The following MYH6 variants were observed in gnomAD, a reference collection of about 807,000 sequenced individuals.
The protein encoded by MYH6 is myosin-6.
In MYH6, 126 loss-of-function variants were observed where a neutral mutation model predicts 223.2. The ratio of observed to expected loss-of-function variants is 0.56; its 90% CI spans 0.49 to 0.65. MYH6 has a LOEUF of 0.65. MYH6 is among the 30% of genes least tolerant of loss of function. The probability of loss-of-function intolerance (pLI) is 0.00; values close to 1 mark genes in which losing one functional copy is unlikely to be tolerated. For missense variants in MYH6, 2,040 were observed against 2,536.4 expected, an observed-to-expected ratio of 0.80 and a Z score of 4.20; for synonymous variants, 978 against 1,010.2, an observed-to-expected ratio of 0.97 and a Z score of 0.61.
At chr14:23,383,494 A>G (rs1357558139) in intron 36 of MYH6, among the ~76,000 whole-genome samples, 174 bp from the exon 37 acceptor site, 2 of 152,200 alleles carry the variant, frequency 1.3e-5, no homozygotes, top group African/African-American at 4.8e-5. Context: ...CAAAGGGGCA[A>G]TGCAAGGTTG....
intron 8 of MYH6, 105 bp from the exon 9 acceptor site, chr14:23,403,883 G>A (rs388914): frequency 0.23 from 228,752 of 994,210 alleles, 28,340 homozygotes; most frequent in Non-Finnish European, 0.25. Context: ...AAATGTAAAC[G>A]ACCTCTTTGG....
At chr14:23,386,195 G>A (rs1891015370) in intron 33 of MYH6, 64 bp from the exon 34 acceptor site, 2 of 1,611,964 alleles carry the variant, frequency 1.2e-6, no homozygotes, top group Admixed American at 1.7e-5. Context: ...GAGGGCACCT[G>A]TCAGAGGTCC....
chr14:23,394,012 G>A (rs1891319387), intron 21 of MYH6, 56 bp downstream of exon 21: 1 of 1,613,670 alleles, frequency 6.2e-7, no homozygotes, highest in Middle Eastern at 1.7e-4. Flanking sequence ...TTGTGAGATG[G>A]GCTATAATCT....
intron 26 of MYH6, 43 bp downstream of exon 26, chr14:23,390,014 G>A (rs1025927506): frequency 8.1e-6 from 13 of 1,613,096 alleles, no homozygotes; most frequent in East Asian, 2.2e-5. Flanking sequence ...GGGAGGCTCC[G>A]CTGTGCAGGG....
chr14:23,387,700 C>T, intron 31 of MYH6, 47 bp from the exon 32 acceptor site: 2 of 1,614,120 alleles, frequency 1.2e-6, no homozygotes, highest in Non-Finnish European at 1.7e-6. Flanking sequence ...TTCCCCCTGC[C>T]CCTGCATGGC....
intron 36 of MYH6, 21 bp from the exon 37 acceptor site, chr14:23,383,341 G>GGGGGGGCCCCCCCCCCCCCCCCCCCC: frequency 1.8e-6 from 1 of 556,582 alleles, no homozygotes; most frequent in Non-Finnish European, 3.3e-6. Flanking sequence ...GAGGGTGGGA[G>GGGGGGGCCCCCCCCCCCCCCCCCCCC]AAGCTGGTTT....
intron 34 of MYH6, among the ~76,000 whole-genome samples, chr14:23,385,396 A>G (rs1371688013): frequency 2.0e-5 from 3 of 150,852 alleles, no homozygotes; most frequent in Admixed American, 6.6e-5. Context: ...TAGCTATACC[A>G]AGAATGTAGT....
rs779051645 is a variant in MYH6, at chr14:23,393,473, C to T, written c.2974G>A (p.Ala992Thr). 21 of 1,614,138 alleles carry T rather than the reference C, an allele frequency of 1.3e-5. No individual in the cohort carries two copies. The highest frequency in any genetic ancestry group is 4.4e-5 in the South Asian group (4 of 91,080). The change falls in exon 23 of 39, where the codon GCT becomes ACT. Residue 992 changes from alanine to threonine, a missense_variant. Around this residue, in one of 4 missense-constraint regions of MYH6, gnomAD observed 1,203 missense variants for 1,400.2 expected, o/e 0.86. Coordinates refer to ENST00000405093, the MANE Select transcript of MYH6 (RefSeq NM_002471.4). Reference protein sequence around the residue: ...EEMAGLDEIIAKLTKEKKALQ... With the variant: ...EEMAGLDEIITKLTKEKKALQ... ...GCTTTCTTCTCCTTGGTCAGCTTAG[C>T]GATGATTTCATCCAGCCCAGCCATC...
intron 32 of MYH6, among the ~76,000 whole-genome samples, chr14:23,387,066 A>C (rs1440136854): frequency 6.6e-6 from 1 of 152,218 alleles, no homozygotes; most frequent in Non-Finnish European, 1.5e-5. Flanking sequence ...AAGTGCTTAA[A>C]TGTGTTACCT....
Position 23,405,838 on chromosome 14 carries a change from C to A in MYH6, c.202-68G>T. On this transcript the variant is annotated intron_variant, in intron 3 of 38. Coordinates refer to ENST00000405093, the MANE Select transcript of MYH6 (RefSeq NM_002471.4). This position sits in a 1 kb window ranked among gnomAD's most constrained non-coding sequence, Gnocchi z 4.7. ...CTCCGGGACCCTTGCCAGCACTGCC[C>A]ACTGACCTCCTCCCAGGACACAGGG... The A allele has an allele frequency of 6.2e-7, 1 of 1,600,460 alleles. No homozygotes were observed. The highest frequency in any genetic ancestry group is 8.6e-7 in the Non-Finnish European group (1 of 1,167,996).
chr14:23,404,516 C>T (rs932163765), intron 7 of MYH6, 128 bp from the exon 8 acceptor site: 165 of 1,197,954 alleles, frequency 1.4e-4, no homozygotes, highest in African/African-American at 3.5e-4. Context: ...AGTGGGTCTG[C>T]GACTCCACAG....
Position 23,397,932 on chromosome 14 carries a change from CTCTTCTTCTTCTTCTTCT to C in MYH6, c.1892-337_1892-320del, listed in dbSNP as rs55907025. The stretch of plus-strand genomic sequence containing the variant: ...AGTTCTCCTCCTCCTCCTCCTCCTC[CTCTTCTTCTTCTTCTTCT>C]TCTTCTTCTTCTTCTTCTTCTTCTT... On this transcript the variant is annotated intron_variant, in intron 15 of 38. Coordinates refer to ENST00000405093, the MANE Select transcript of MYH6 (RefSeq NM_002471.4). Among the ~76,000 whole-genome samples, 790 of 89,896 alleles carry C rather than the reference CTCTTCTTCTTCTTCTTCT, an allele frequency of 8.8e-3. 13 individuals carry two copies. Among genetic ancestry groups the C allele is most frequent in the African/African-American group, 0.012 (285 of 23,174 alleles). 59.0% of individuals were successfully genotyped at this position (89,896 alleles called of 152,430 possible). A position where few individuals can be genotyped will look rare whatever the true frequency, so the allele number is the denominator to read the frequency against.
At chr14:23,403,805 G>A (rs756445461) in intron 8 of MYH6, 27 bp from the exon 9 acceptor site, 1 of 1,580,812 alleles carries the variant, frequency 6.3e-7, no homozygotes, top group African/African-American at 1.3e-5. Context: ...CAGAGTGAGG[G>A]AACTGGCGGG....
At chr14:23,403,819 G>A in intron 8 of MYH6, 41 bp from the exon 9 acceptor site, 1 of 1,545,036 alleles carries the variant, frequency 6.5e-7, no homozygotes, top group Non-Finnish European at 8.9e-7. Flanking sequence ...TGGCGGGAAG[G>A]ACAGAGTGAA....
Position 23,393,792 on chromosome 14 carries a change from C to T in MYH6, c.2802G>A (p.Met934Ile), listed in dbSNP as rs1172763882. ...MNERLEDEEE[M>I]NAELTAKKRK... The stretch of plus-strand genomic sequence containing the variant: ...GCTTCTTGGCAGTGAGCTCCGCGTT[C>T]ATCTCCTCCTCATCCTCCAGCCTCT... Residue 934 changes from methionine to isoleucine, a missense_variant, in exon 22 of 39, where the codon ATG (methionine) becomes ATA (isoleucine). Met to Ile is a conservative substitution (Grantham distance 10). This residue lies in a region of MYH6 where 1,203 missense variants were observed against 1,400.2 expected (regional missense o/e 0.86). Transcript: ENST00000405093. The T allele has an allele frequency of 4.3e-6, 7 of 1,614,226 alleles. No individual in the cohort carries two copies. In the South Asian group the frequency reaches 7.7e-5, roughly 18 times the overall value.
intron 8 of MYH6, 106 bp downstream of exon 8, chr14:23,404,190 T>C: frequency 7.5e-7 from 1 of 1,337,450 alleles, no homozygotes; most frequent in African/African-American, 1.4e-5. Flanking sequence ...TGCATGTTGA[T>C]ATCCCAAAGC....
At chr14:23,394,401 G>A (rs1052048527) in intron 20 of MYH6, 78 bp from the exon 21 acceptor site, 13 of 1,575,148 alleles carry the variant, frequency 8.3e-6, no homozygotes, top group African/African-American at 5.4e-5. Context: ...AAGCAAGTTC[G>A]TAGGCACGTA....
In MYH6 at chr14:23,388,898, G is replaced by A. The variant is rs145611185; in HGVS notation, c.4136C>T (p.Thr1379Met). 1,382 of 1,613,670 alleles carry A rather than the reference G, an allele frequency of 8.6e-4. 2 individuals are homozygous for A. The highest frequency in any genetic ancestry group is 1.1e-3 in the Non-Finnish European group (1,310 of 1,180,054). Reference sequence around the variant, plus strand: ...CTCCTCAGTCCGCTGAATGGCGTCCGTCTCATACTTGGTCCTCCACTGGGC... The same window carrying A: ...CTCCTCAGTCCGCTGAATGGCGTCCATCTCATACTTGGTCCTCCACTGGGC... ...EVAQWRTKYE[T>M]DAIQRTEELE... Residue 1379 changes from threonine to methionine, a missense_variant, in exon 29 of 39, where the codon ACG becomes ATG. By Grantham distance (81) the Thr-to-Met change is moderately conservative (BLOSUM62 -1). Around this residue, in one of 4 missense-constraint regions of MYH6, gnomAD observed 1,203 missense variants for 1,400.2 expected, o/e 0.86. Coordinates refer to ENST00000405093, the MANE Select transcript of MYH6 (RefSeq NM_002471.4).
chr14:23,386,613 T>G lies in MYH6; in HGVS notation c.4661A>C (p.Glu1554Ala). Residue 1554 changes from glutamate to alanine, a missense_variant, in exon 33 of 39, where the codon GAG becomes GCG. By Grantham distance (107) the Glu-to-Ala change is moderately radical. This residue lies in a region of MYH6 where 1,203 missense variants were observed against 1,400.2 expected (regional missense o/e 0.86). Coordinates refer to ENST00000405093, the MANE Select transcript of MYH6 (RefSeq NM_002471.4). Reference sequence around the variant, plus strand: ...CCGGAGGATCTTGCCCTCCTCGTGCTCCAGGGAGGCCTGGGAAGGGGTGGG... The same window carrying G: ...CCGGAGGATCTTGCCCTCCTCGTGCGCCAGGGAGGCCTGGGAAGGGGTGGG... ...SALEEAEASL[E>A]HEEGKILRAQ... 1 of 1,489,640 alleles carries G rather than the reference T, an allele frequency of 6.7e-7. No homozygotes were observed. 92.3% of individuals were successfully genotyped at this position (1,489,640 alleles called of 1,614,324 possible).
Sources: gnomAD v4.1 joint callset for allele counts (sites outside exome capture counted in the v4.1 genomes callset) on GRCh38, gnomAD v4.1.1 for gene constraint, gnomAD v4.1.1 regional missense constraint, Gnocchi (gnomAD v3.1) non-coding constraint, MANE v1.5 for transcripts, NCBI Gene and HGNC (gene_info 2026-07-23, HGNC 2026-07-21) for gene names.